Variants in ANKFN1 observed in about 807,000 individuals in gnomAD.
The protein encoded by ANKFN1 is ankyrin repeat and fibronectin type-III domain-containing protein 1.
A neutral mutation model predicts 108.7 loss-of-function variants in ANKFN1; 74 were observed. The ratio of observed to expected loss-of-function variants is 0.68; its 90% confidence interval spans 0.56 to 0.83. ANKFN1 has a LOEUF of 0.83. Ranked by LOEUF, ANKFN1 falls within the 40% of genes least tolerant of loss-of-function variation. The pLI is 0.00. For missense variants in ANKFN1, 1,505 were observed against 1,382.3 expected, an observed-to-expected ratio of 1.09 and a Z score of -1.41; for synonymous variants, 547 against 516.2, an observed-to-expected ratio of 1.06 and a Z score of -0.81.
At chr17:56,459,650 C>A (rs975770686) in intron 14 of ANKFN1, among the ~76,000 whole-genome samples, 3 of 152,186 alleles carry the variant, frequency 2.0e-5, no homozygotes, top group African/African-American at 7.2e-5. Context: ...ATGCCTGGAT[C>A]ACAGACTGAA....
intron 4 of ANKFN1, among the ~76,000 whole-genome samples, chr17:56,348,558 A>G (rs930773463): frequency 4.6e-5 from 7 of 152,182 alleles, no homozygotes; most frequent in African/African-American, 1.7e-4. Flanking sequence ...ACAAATTTAT[A>G]AGAAAAAACA....
At chr17:56,427,679 T>C (rs533826639) in intron 8 of ANKFN1, among the ~76,000 whole-genome samples, 1 of 152,192 alleles carries the variant, frequency 6.6e-6, no homozygotes, top group South Asian at 2.1e-4. Context: ...GAAAGTCCAA[T>C]ATCTCACAGA....
intron 3 of ANKFN1, among the ~76,000 whole-genome samples, chr17:56,258,553 G>A (rs1045190857): frequency 1.3e-5 from 2 of 152,054 alleles, no homozygotes; most frequent in African/African-American, 2.4e-5. Flanking sequence ...TGGTAGAGAC[G>A]CAATACTTCA....
chr17:56,149,529 G>A (rs1908470561), upstream of ANKFN1, among the ~76,000 whole-genome samples: 3 of 152,186 alleles, frequency 2.0e-5, no homozygotes. Context: ...TCCTCCTCAG[G>A]CTTAAACAGA....
At chr17:56,498,026 A>G (rs1372856) in intron 19 of ANKFN1, among the ~76,000 whole-genome samples, 76,595 of 152,060 alleles carry the variant, frequency 0.5, 23,540 homozygotes, top group East Asian at 0.87. Flanking sequence ...AGTGAATTTT[A>G]TGCAAATAGG....
intron 4 of ANKFN1, among the ~76,000 whole-genome samples, chr17:56,072,064 T>G (rs1401332832): frequency 6.6e-6 from 1 of 152,228 alleles, no homozygotes; most frequent in African/African-American, 2.4e-5. Flanking sequence ...TTTTAGTCAT[T>G]TTCTTAGAAA....
intron 3 of ANKFN1, among the ~76,000 whole-genome samples, chr17:56,251,681 C>G (rs2043239040): frequency 6.6e-6 from 1 of 152,118 alleles, no homozygotes; most frequent in South Asian, 2.1e-4. Context: ...ATGGTAACAA[C>G]CAAGCATTTG....
At chr17:56,406,105 GA>G (rs1209351706) in intron 8 of ANKFN1, among the ~76,000 whole-genome samples, 3 of 152,202 alleles carry the variant, frequency 2.0e-5, no homozygotes, top group Non-Finnish European at 4.4e-5. Flanking sequence ...AAGGCAATGG[GA>G]AAAAATAGGT....
intron 8 of ANKFN1, among the ~76,000 whole-genome samples, chr17:56,378,827 G>A (rs2047011507): frequency 6.6e-6 from 1 of 152,098 alleles, no homozygotes; most frequent in Admixed American, 6.6e-5. Context: ...CAAGTCTGCT[G>A]GGGGTGAGAG....
chr17:56,086,319 C>A (rs948443564), intron 4 of ANKFN1, among the ~76,000 whole-genome samples: 1 of 151,088 alleles, frequency 6.6e-6, no homozygotes, highest in Admixed American at 6.6e-5. Flanking sequence ...GCAGGAGAAT[C>A]GCTTAAACCC....
chr17:56,304,261 A>T (rs552314293), intron 3 of ANKFN1, among the ~76,000 whole-genome samples: 1 of 152,308 alleles, frequency 6.6e-6, no homozygotes, highest in South Asian at 2.1e-4. Context: ...ATAGTATGTA[A>T]CGTTTTAATG....
chr17:56,094,545 C>A (rs1905487021), intron 4 of ANKFN1, among the ~76,000 whole-genome samples: 2 of 121,622 alleles, frequency 1.6e-5, no homozygotes, highest in South Asian at 4.9e-4. Flanking sequence ...TGCCAGGCTG[C>A]CAGGCTGGAG....
chr17:56,352,325 G>A (rs569334587), intron 5 of ANKFN1, among the ~76,000 whole-genome samples: 4 of 152,272 alleles, frequency 2.6e-5, no homozygotes, highest in African/African-American at 9.6e-5. Flanking sequence ...CTGACCTGCA[G>A]CCTTTGATAG....
At chr17:56,315,320 G>A (rs146628171) in intron 3 of ANKFN1, among the ~76,000 whole-genome samples, 49 of 152,282 alleles carry the variant, frequency 3.2e-4, no homozygotes, top group African/African-American at 1.1e-3. Context: ...TTTCCTTGAT[G>A]CTGAAGATAA....
intron 16 of ANKFN1, among the ~76,000 whole-genome samples, chr17:56,478,789 CAA>C (rs2145357133): frequency 6.6e-6 from 1 of 152,118 alleles, no homozygotes; most frequent in African/African-American, 2.4e-5. Context: ...TAGATACTCC[CAA>C]AGAGTATAAA....
intron 14 of ANKFN1, among the ~76,000 whole-genome samples, chr17:56,465,725 C>T (rs755208964): frequency 1.3e-5 from 2 of 152,188 alleles, no homozygotes; most frequent in Non-Finnish European, 2.9e-5. Context: ...TCCTACCTTC[C>T]TAAAAGCATT....
chr17:56,363,906 T>TG (rs2046590513), intron 6 of ANKFN1, among the ~76,000 whole-genome samples: 1 of 151,960 alleles, frequency 6.6e-6, no homozygotes, highest in South Asian at 2.1e-4. Flanking sequence ...AAGCAGAAAG[T>TG]GGAATGGTGG....
Position 56,131,659 on chromosome 17 carries a change from A to T in ANKFN1, c.288+85334A>T, listed in dbSNP as rs189411821. Among the ~76,000 whole-genome samples the T allele has an allele frequency of 5.9e-5, 9 of 152,314 alleles. No individual in the cohort carries two copies. In the East Asian group the frequency reaches 1.7e-3, roughly 29 times the overall value. On this transcript the variant is annotated intron_variant, in intron 4 of 12. Transcript: ENST00000635860. ...CCTTCTGGACACGGATGTAGCAAGA[A>T]TTCACCGCAGTGTGGTTCTACAAAG...
At chr17:56,352,326 C>T (rs1002161576) in intron 5 of ANKFN1, among the ~76,000 whole-genome samples, 2 of 152,270 alleles carry the variant, frequency 1.3e-5, no homozygotes, top group East Asian at 3.9e-4. Flanking sequence ...TGACCTGCAG[C>T]CTTTGATAGG....
Sources: allele counts gnomAD v4.1 joint callset (sites outside exome capture counted in the v4.1 genomes callset), GRCh38; gene constraint gnomAD v4.1.1; transcripts MANE v1.5; gene names NCBI Gene and HGNC (gene_info 2026-07-23, HGNC 2026-07-21).